CREB5: variants seen among roughly 807,000 people sequenced by gnomAD.
CREB5 encodes the protein cAMP responsive element binding protein 5, also known as cyclic AMP-responsive element-binding protein 5.
In CREB5, 19 loss-of-function variants were observed where a neutral mutation model predicts 57.1. That is an observed-to-expected ratio of 0.33 (90% CI 0.23 to 0.49). CREB5 has a LOEUF of 0.49. CREB5 is among the 20% of genes least tolerant of loss of function. The pLI is 0.99. For synonymous variants in CREB5, 238 were observed against 238.3 expected (o/e 1.00, Z 0.01); for missense variants, 579 against 671.6 (o/e 0.86, Z 1.52).
Position 28,592,236 on chromosome 7 carries a change from G to A in CREB5, c.464+21699G>A, listed in dbSNP as rs951119246. 2.6e-5 allele frequency among the ~76,000 whole-genome samples: 4 copies of A among 152,130 alleles called. No homozygotes were observed. In the South Asian group the frequency reaches 6.2e-4, roughly 24 times the overall value. On this transcript the variant is annotated intron_variant, in intron 5 of 10. Coordinates refer to ENST00000357727, the MANE Select transcript of CREB5 (RefSeq NM_182898.4). ...TGCAGGCCATGTGAACATTTGAAAC[G>A]CTTTTAACAGTTAAACCAGCTCAAA...
chr7:28,530,301 T>G (rs896995221), intron 4 of CREB5, among the ~76,000 whole-genome samples: 1 of 152,180 alleles, frequency 6.6e-6, no homozygotes, highest in Non-Finnish European at 1.5e-5. Flanking sequence ...TTGAAAGACA[T>G]GCTGCTGTGT....
At chr7:28,565,462 A>C (rs1795437280) in intron 4 of CREB5, among the ~76,000 whole-genome samples, 1 of 152,180 alleles carries the variant, frequency 6.6e-6, no homozygotes, top group Non-Finnish European at 1.5e-5. Flanking sequence ...GGTGATGGTG[A>C]GAAGTTTTAC....
chr7:28,324,375 G>T (rs1382069216), intron 1 of CREB5, among the ~76,000 whole-genome samples: 1 of 152,040 alleles, frequency 6.6e-6, no homozygotes, highest in East Asian at 1.9e-4. Flanking sequence ...TCCCCCTCCT[G>T]AAGCTGCTCA....
intron 5 of CREB5, among the ~76,000 whole-genome samples, chr7:28,591,881 A>G (rs1047577583): frequency 6.6e-6 from 1 of 152,214 alleles, no homozygotes; most frequent in African/African-American, 2.4e-5. Flanking sequence ...TGTGTGTGCC[A>G]GACACTTGCT....
Position 28,574,407 on chromosome 7 carries a change from CTCTCTG to C in CREB5, c.464+3876_464+3881del, listed in dbSNP as rs544330269. ...TAGCACTACTGGAAGTTAACACACT[CTCTCTG>C]TCTCTTTGTTTCTTATCATCTAAGA... On this transcript the variant is annotated intron_variant, in intron 5 of 10. Coordinates refer to ENST00000357727, the MANE Select transcript of CREB5 (RefSeq NM_182898.4). Among the ~76,000 whole-genome samples, 77 of 152,344 alleles carry C rather than the reference CTCTCTG, an allele frequency of 5.1e-4. 2 individuals are homozygous for C. In the East Asian group the frequency reaches 9.0e-3, roughly 18 times the overall value.
upstream of CREB5, among the ~76,000 whole-genome samples, chr7:28,411,763 T>C (rs536852646): frequency 1.1e-4 from 17 of 152,342 alleles, no homozygotes; most frequent in Middle Eastern, 3.4e-3. Flanking sequence ...ATCTACTTTC[T>C]TCAAAGCGAA....
At chr7:28,498,439 C>T (rs1792140767) in intron 3 of CREB5, among the ~76,000 whole-genome samples, 1 of 151,980 alleles carries the variant, frequency 6.6e-6, no homozygotes, top group Non-Finnish European at 1.5e-5. Flanking sequence ...TCACTTTATC[C>T]TTAATTAGTT....
rs969445883 is a variant in CREB5 at position 28,304,330 on chromosome 7, A to G, written c.-25+4889A>G. 1.4e-4 allele frequency among the ~76,000 whole-genome samples: 21 copies of G among 152,242 alleles called. 1 individual carries two copies. The highest frequency in any genetic ancestry group is 9.2e-4 in the Admixed American group (14 of 15,290). ...CTCAATCATAGACTTATAGTACAAGAGGATATGTGAAAAATCCATCTAATG... is the reference window on the plus strand; with the variant it reads ...CTCAATCATAGACTTATAGTACAAGGGGATATGTGAAAAATCCATCTAATG... On this transcript the variant is annotated intron_variant, in intron 1 of 9. Transcript: ENST00000396299.
intron 5 of CREB5, among the ~76,000 whole-genome samples, chr7:28,573,939 T>C (rs1219369858): frequency 6.6e-6 from 1 of 152,212 alleles, no homozygotes; most frequent in Non-Finnish European, 1.5e-5. Context: ...CTGCGCTCAA[T>C]TCTGTGAAAG....
chr7:28,373,332 G>T (rs758265235), intron 1 of CREB5, among the ~76,000 whole-genome samples: 3 of 152,026 alleles, frequency 2.0e-5, no homozygotes, highest in Non-Finnish European at 4.4e-5. Context: ...TGTTTGTTTG[G>T]TTTTTTAAAT....
intron 5 of CREB5, among the ~76,000 whole-genome samples, chr7:28,673,655 CTCTTTTTTTT>C (rs1800164848): frequency 1.5e-5 from 2 of 130,762 alleles, no homozygotes; most frequent in Non-Finnish European, 3.1e-5. Context: ...TTCTCTCTCT[CTCTTTTTTTT>C]TTTTTTTTTT....
At chr7:28,713,941 C>T (rs967440147) in intron 5 of CREB5, among the ~76,000 whole-genome samples, 2 of 151,926 alleles carry the variant, frequency 1.3e-5, no homozygotes, top group African/African-American at 4.8e-5. Context: ...TCTTCGATAT[C>T]TATGGTCTGT....
chr7:28,400,445 C>A (rs563367888), intron 1 of CREB5, among the ~76,000 whole-genome samples: 2 of 152,322 alleles, frequency 1.3e-5, no homozygotes, highest in South Asian at 4.1e-4. Context: ...TAAATAGCCA[C>A]AGCAGTCCTG....
chr7:28,695,188 T>C (rs1337350131), intron 5 of CREB5, among the ~76,000 whole-genome samples: 2 of 152,090 alleles, frequency 1.3e-5, no homozygotes, highest in African/African-American at 2.4e-5. Context: ...GATGGCACCA[T>C]TGCACTACAG....
chr7:28,382,902 A>G (rs1252044644), intron 1 of CREB5, among the ~76,000 whole-genome samples: 1 of 152,118 alleles, frequency 6.6e-6, no homozygotes, highest in Non-Finnish European at 1.5e-5. Flanking sequence ...AAATTTAATG[A>G]ACCAGTGAAA....
chr7:28,615,278 C>T (rs1195848860), intron 5 of CREB5: 1 of 152,236 alleles, frequency 6.6e-6, no homozygotes, highest in African/African-American at 2.4e-5. Flanking sequence ...TGAAATTGCC[C>T]TAGGTGGCAG....
chr7:28,743,847 T>TTC (rs1742252878), intron 7 of CREB5, among the ~76,000 whole-genome samples: 1 of 143,426 alleles, frequency 7.0e-6, no homozygotes, highest in African/African-American at 2.6e-5. Flanking sequence ...TCTTTTTTTT[T>TTC]TTTTTTTTTT....
intron 4 of CREB5, among the ~76,000 whole-genome samples, chr7:28,511,905 C>T (rs113575459): frequency 3.5e-4 from 53 of 152,252 alleles, no homozygotes; most frequent in East Asian, 1.5e-3. Context: ...CCAGTTGAGA[C>T]GGTATTGAAA....
At chr7:28,488,027 T>C (rs1177720699) in intron 1 of CREB5, 148 bp from the exon 2 acceptor site, 3 of 636,656 alleles carry the variant, frequency 4.7e-6, no homozygotes, top group Non-Finnish European at 8.3e-6. Flanking sequence ...GGGCCTGTGC[T>C]CACTCACATT....
Sources: allele counts gnomAD v4.1 joint callset (sites outside exome capture counted in the v4.1 genomes callset), GRCh38; gene constraint gnomAD v4.1.1; transcripts MANE v1.5; gene names NCBI Gene and HGNC (gene_info 2026-07-23, HGNC 2026-07-21).